PLPPR1: variants seen among roughly 807,000 people sequenced by gnomAD.
PLPPR1 encodes phospholipid phosphatase related 1.
A neutral mutation model predicts 33.1 loss-of-function variants in PLPPR1; 10 were observed. The ratio of observed to expected loss-of-function variants is 0.30; its 90% CI spans 0.19 to 0.51. The LOEUF is 0.51. Among genes scored for constraint, PLPPR1 ranks in the 20% least tolerant of loss-of-function variants. The pLI is 0.97. For synonymous variants in PLPPR1, 151 were observed against 151.0 expected (o/e 1.00, Z 0.00); for missense variants, 304 against 408.1 (o/e 0.74, Z 2.20).
intron 2 of PLPPR1, among the ~76,000 whole-genome samples, chr9:101,265,090 C>T (rs754377503): frequency 1.3e-5 from 2 of 152,180 alleles, no homozygotes; most frequent in Non-Finnish European, 2.9e-5. Context: ...ATCCTCTTCT[C>T]TCAGCTTTGT....
At chr9:101,146,692 C>T (rs1057119168) in intron 1 of PLPPR1, among the ~76,000 whole-genome samples, 3 of 152,164 alleles carry the variant, frequency 2.0e-5, no homozygotes, top group Admixed American at 6.6e-5. Flanking sequence ...ACAAAATGTT[C>T]TCTGCCTCTA....
chr9:101,202,270 T>C (rs949334484), intron 2 of PLPPR1, among the ~76,000 whole-genome samples: 2 of 152,230 alleles, frequency 1.3e-5, no homozygotes, highest in African/African-American at 4.8e-5. Flanking sequence ...TGTCATGCTA[T>C]AGAGAATTTC....
chr9:101,111,542 A>C (rs1158582636), intron 1 of PLPPR1, among the ~76,000 whole-genome samples: 1 of 152,202 alleles, frequency 6.6e-6, no homozygotes, highest in Non-Finnish European at 1.5e-5. Flanking sequence ...CTATATTTGC[A>C]TGCCTAAATA....
At chr9:101,108,612 C>A (rs2118568993) in intron 1 of PLPPR1, among the ~76,000 whole-genome samples, 1 of 152,298 alleles carries the variant, frequency 6.6e-6, no homozygotes, top group Admixed American at 6.5e-5. Context: ...CACCTTAAGA[C>A]AGCAAAATGG....
intron 2 of PLPPR1, among the ~76,000 whole-genome samples, chr9:101,198,195 T>C (rs1461787534): frequency 6.6e-6 from 1 of 152,184 alleles, no homozygotes; most frequent in Non-Finnish European, 1.5e-5. Context: ...TACTCAGTCT[T>C]TGTGGTGCAT....
intron 2 of PLPPR1, among the ~76,000 whole-genome samples, chr9:101,216,872 T>C (rs1826807351): frequency 6.6e-6 from 1 of 152,148 alleles, no homozygotes; most frequent in Non-Finnish European, 1.5e-5. Flanking sequence ...GTAGAAAATT[T>C]ACCCCTGGTT....
At chr9:101,107,637 C>CAGAG (rs1175860274) in intron 1 of PLPPR1, among the ~76,000 whole-genome samples, 56 of 84,502 alleles carry the variant, frequency 6.6e-4, no homozygotes, top group Admixed American at 2.1e-3. Context: ...GTGGAGCCTA[C>CAGAG]AGAGGCAGGC....
chr9:101,261,996 A>AAGAT (rs1827907892), intron 2 of PLPPR1, among the ~76,000 whole-genome samples: 1 of 152,156 alleles, frequency 6.6e-6, no homozygotes, highest in Non-Finnish European at 1.5e-5. Flanking sequence ...TAAAAAAAAA[A>AAGAT]AGATATAGCT....
intron 2 of PLPPR1, among the ~76,000 whole-genome samples, chr9:101,226,852 G>A (rs1176415617): frequency 1.3e-5 from 2 of 152,100 alleles, no homozygotes; most frequent in Admixed American, 6.5e-5. Context: ...GAGAAGGAAG[G>A]AGCATATTCC....
At chr9:101,158,728 T>C (rs1831732091) in intron 1 of PLPPR1, among the ~76,000 whole-genome samples, 1 of 152,212 alleles carries the variant, frequency 6.6e-6, no homozygotes, top group Non-Finnish European at 1.5e-5. Flanking sequence ...GGAGTTTTAC[T>C]TCTCTGGCAC....
At chr9:101,169,350 C>A (rs1479485077) in intron 1 of PLPPR1, among the ~76,000 whole-genome samples, 1 of 38,890 alleles carries the variant, frequency 2.6e-5, no homozygotes, top group African/African-American at 8.2e-5. Flanking sequence ...TTTTTGTGGC[C>A]ATTTTTTTTT....
chr9:101,087,987 C>T (rs1168261069), intron 1 of PLPPR1, among the ~76,000 whole-genome samples: 2 of 152,128 alleles, frequency 1.3e-5, no homozygotes, highest in Non-Finnish European at 2.9e-5. Context: ...GAGACTGGTA[C>T]ATGGTAGAGA....
chr9:101,102,895 A>G (rs1162607412), intron 1 of PLPPR1, among the ~76,000 whole-genome samples: 4 of 69,128 alleles, frequency 5.8e-5, no homozygotes, highest in East Asian at 4.9e-4. Context: ...TCTGATGGCC[A>G]GTGATGATGA....
At chr9:101,283,555 T>A (rs1293666193) in intron 3 of PLPPR1, among the ~76,000 whole-genome samples, 1 of 152,024 alleles carries the variant, frequency 6.6e-6, no homozygotes, top group Non-Finnish European at 1.5e-5. Context: ...AGCAATGAGG[T>A]CTTACATAGA....
At position 101,185,508 on chromosome 9, in the gene PLPPR1, A is replaced by C; in HGVS notation, c.14A>C (p.Asn5Thr). 1 of 1,609,470 alleles carries C rather than the reference A, an allele frequency of 6.2e-7. No homozygotes were observed. Among genetic ancestry groups the C allele is most frequent in the Non-Finnish European group, 8.5e-7 (1 of 1,176,912 alleles). MAVG[N>T]NTQRSYSIIP... The stretch of plus-strand genomic sequence containing the variant: ...ATGGTGTGAGAAATGGCTGTAGGAA[A>C]CAACACTCAACGAAGTTATTCCATC... Residue 5 changes from asparagine (N) to threonine (T), a missense_variant, in exon 2 of 8, where the codon AAC becomes ACC. Transcript: ENST00000374874.
In PLPPR1 at chr9:101,157,069, T is replaced by C. The variant is rs528889427; in HGVS notation, c.-45-28381T>C. Among the ~76,000 whole-genome samples, 54 of 152,320 alleles carry C rather than the reference T, an allele frequency of 3.5e-4. 1 individual carries two copies. The highest frequency in any genetic ancestry group is 3.4e-3 in the Middle Eastern group (1 of 294). ...GATAAGGAACATAAATAGGTTATTA[T>C]ACCATGTGAAGGAGCTAATGAGGAA... is the stretch of plus-strand genomic sequence containing the variant. On this transcript the variant is annotated intron_variant, in intron 1 of 7. Coordinates refer to ENST00000374874, the MANE Select transcript of PLPPR1 (RefSeq NM_207299.2).
chr9:101,243,213 T>C (rs1429270924), intron 2 of PLPPR1, among the ~76,000 whole-genome samples: 1 of 152,004 alleles, frequency 6.6e-6, no homozygotes, highest in African/African-American at 2.4e-5. Context: ...AGGACCCAGG[T>C]CGTCAGAATC....
At chr9:101,267,233 A>G (rs967300841) in intron 2 of PLPPR1, among the ~76,000 whole-genome samples, 1 of 152,248 alleles carries the variant, frequency 6.6e-6, no homozygotes, top group Non-Finnish European at 1.5e-5. Flanking sequence ...CAAGTCAAGC[A>G]TAAAAGAAAC....
Position 101,157,156 on chromosome 9 carries a change from T to C in PLPPR1, c.-45-28294T>C, listed in dbSNP as rs191394370. On this transcript the variant is annotated intron_variant, in intron 1 of 7. Transcript: ENST00000374874. ...CAGATTCTAAATACCTAAGCCAGCT[T>C]ACACTTTTTGGTCCCCACTTCACCT... Among the ~76,000 whole-genome samples, 133 of 152,350 alleles carry C rather than the reference T, an allele frequency of 8.7e-4. 5 individuals carry two copies. The East Asian group carries it at 0.024, about 27-fold the overall frequency.
Sources: gnomAD v4.1 joint callset for allele counts (sites outside exome capture counted in the v4.1 genomes callset) on GRCh38, gnomAD v4.1.1 for gene constraint, MANE v1.5 for transcripts, NCBI Gene and HGNC (gene_info 2026-07-23, HGNC 2026-07-21) for gene names.